The following DPYSL3 variants were observed in gnomAD, a reference collection of about 807,000 sequenced individuals.
DPYSL3 encodes dihydropyrimidinase-related protein 3.
In DPYSL3, 16 loss-of-function variants were observed where a neutral mutation model predicts 66.1. The observed-to-expected ratio is 0.24, with a 90% CI of 0.16 to 0.37. The LOEUF is 0.37. Ranked by LOEUF, DPYSL3 falls within the 10% of genes least tolerant of loss-of-function variation. The pLI is 1.00. For missense variants in DPYSL3, 738 were observed against 916.2 expected (o/e 0.81, Z 2.51); for synonymous variants, 338 against 345.1 (o/e 0.98, Z 0.23).
chr5:147,400,885 C>A, intron 9 of DPYSL3, 52 bp from the exon 10 acceptor site: 1 of 1,590,916 alleles, frequency 6.3e-7, no homozygotes, highest in Non-Finnish European at 8.6e-7. Context: ...TGGAGGCACA[C>A]TGGGAGCTTA....
intron 1 of DPYSL3, among the ~76,000 whole-genome samples, chr5:147,485,647 C>T (rs17106791): frequency 0.011 from 1,737 of 152,208 alleles, 64 homozygotes; most frequent in East Asian, 0.087. Flanking sequence ...ATACGCTGAG[C>T]ACAAGTGTCT....
chr5:147,503,390 C>T (rs971492442), intron 1 of DPYSL3, among the ~76,000 whole-genome samples: 12 of 152,110 alleles, frequency 7.9e-5, no homozygotes, highest in African/African-American at 2.9e-4. Flanking sequence ...ACTTTTCAGG[C>T]TCAAGCAAAC....
chr5:147,435,092 T>C (rs1260019986), intron 1 of DPYSL3, among the ~76,000 whole-genome samples: 1 of 151,946 alleles, frequency 6.6e-6, no homozygotes, highest in Admixed American at 6.6e-5. Flanking sequence ...ACAAAGTCTA[T>C]TAATTAAGAA....
intron 1 of DPYSL3, among the ~76,000 whole-genome samples, chr5:147,445,401 T>C (rs992592038): frequency 1.3e-5 from 2 of 152,228 alleles, no homozygotes; most frequent in Non-Finnish European, 2.9e-5. Context: ...TCTAGAAAGA[T>C]GTCAAAGGGA....
At chr5:147,424,151 G>T (rs953477197) in intron 2 of DPYSL3, among the ~76,000 whole-genome samples, 1 of 152,174 alleles carries the variant, frequency 6.6e-6, no homozygotes, top group Non-Finnish European at 1.5e-5. Context: ...GAGATCTCTT[G>T]TAACCAAAAT....
Position 147,509,487 on chromosome 5 carries a change from G to C in DPYSL3, c.372C>G (p.Pro124=), listed in dbSNP as rs1377078235. ...TGKEVLQNLG[P]KDKSDRLLIK... is the part of the protein sequence containing the mutation. ...CCCGGGGCCCCCTTACCTTGTCCTT[G>C]GGGCCGAGGTTCTGCAACACCTCTT... is the stretch of plus-strand genomic sequence containing the variant. The change falls in exon 1 of 14, where the codon CCC becomes CCG. Residue 124 remains proline, a synonymous_variant. Transcript: ENST00000343218. This position sits in a 1 kb window ranked among gnomAD's most constrained non-coding sequence, Gnocchi z 5.3. 6.6e-7 allele frequency: 1 copy of C among 1,522,838 alleles called. No homozygotes were observed. Among genetic ancestry groups the C allele is most frequent in the Non-Finnish European group, 8.8e-7 (1 of 1,140,138 alleles). The allele number at this position is 1,522,838 out of a possible 1,614,324, so 94.3% of individuals were successfully genotyped here.
rs185264622 is a variant in DPYSL3, at chr5:147,499,314, A to C, written c.381+10164T>G. 3.9e-3 allele frequency among the ~76,000 whole-genome samples: 594 copies of C among 152,304 alleles called. 4 individuals are homozygous for C. The highest frequency in any genetic ancestry group is 6.2e-3 in the Non-Finnish European group (425 of 68,018). On this transcript the variant is annotated intron_variant, in intron 1 of 13. Transcript: ENST00000343218. ...ATTATAGCAAGGTTGCAGGATACAA[A>C]GTTAATATGCAAAAGTCACTTGCTT...
At chr5:147,483,681 A>G (rs1175993574) in intron 1 of DPYSL3, among the ~76,000 whole-genome samples, 1 of 152,234 alleles carries the variant, frequency 6.6e-6, no homozygotes, top group Non-Finnish European at 1.5e-5. Context: ...GGGGTTAACA[A>G]GTATTTATTA....
chr5:147,495,429 A>C (rs2030741137), intron 1 of DPYSL3, among the ~76,000 whole-genome samples: 1 of 152,230 alleles, frequency 6.6e-6, no homozygotes, highest in South Asian at 2.1e-4. Flanking sequence ...AATAAAGGGC[A>C]TTCAATTAGG....
At chr5:147,405,866 CT>C in intron 7 of DPYSL3, 136 bp from the exon 8 acceptor site, 1 of 1,139,110 alleles carries the variant, frequency 8.8e-7, no homozygotes, top group Non-Finnish European at 1.2e-6. Context: ...ATTAGATAGC[CT>C]ATATCCACAT....
At chr5:147,452,450 C>T (rs1338862574) in intron 1 of DPYSL3, among the ~76,000 whole-genome samples, 1 of 151,732 alleles carries the variant, frequency 6.6e-6, no homozygotes, top group East Asian at 1.9e-4. Flanking sequence ...CACACACACA[C>T]ACACACACAC....
intron 1 of DPYSL3, among the ~76,000 whole-genome samples, chr5:147,502,865 T>C (rs1401815019): frequency 6.6e-6 from 1 of 152,032 alleles, no homozygotes; most frequent in Non-Finnish European, 1.5e-5. Flanking sequence ...CGTGAGCCAC[T>C]GTGCCCGGCC....
At chr5:147,396,731 G>A (rs1444495468) in intron 12 of DPYSL3, among the ~76,000 whole-genome samples, 1 of 152,044 alleles carries the variant, frequency 6.6e-6, no homozygotes, top group East Asian at 1.9e-4. Context: ...TAGAAATAAA[G>A]GGTCAATATT....
chr5:147,432,013 G>A (rs1752324972), intron 1 of DPYSL3, among the ~76,000 whole-genome samples: 1 of 152,164 alleles, frequency 6.6e-6, no homozygotes, highest in South Asian at 2.1e-4. Flanking sequence ...GAGCAATGCA[G>A]TTTCTTGGCT....
intron 1 of DPYSL3, among the ~76,000 whole-genome samples, chr5:147,452,881 G>GCACA (rs3995474): frequency 0.037 from 5,025 of 137,362 alleles, 108 homozygotes; most frequent in Non-Finnish European, 0.05. Flanking sequence ...TGCATCGAAG[G>GCACA]CACACACACA....
intron 1 of DPYSL3, among the ~76,000 whole-genome samples, chr5:147,492,871 A>G (rs1457209863): frequency 6.6e-6 from 1 of 152,208 alleles, no homozygotes; most frequent in African/African-American, 2.4e-5. Context: ...CAATGATCCA[A>G]ATACACCAGT....
chr5:147,396,659 C>T (rs1757983105), intron 12 of DPYSL3, among the ~76,000 whole-genome samples: 1 of 152,026 alleles, frequency 6.6e-6, no homozygotes, highest in Admixed American at 6.5e-5. Context: ...ATCTGTACTC[C>T]CCAAAACCAA....
intron 1 of DPYSL3, chr5:147,453,533 C>A (rs1480324140): frequency 1.3e-6 from 2 of 1,525,294 alleles, no homozygotes; most frequent in Admixed American, 2.1e-5. Context: ...GAGGGAGCAG[C>A]GGCGCCCGGA....
chr5:147,453,768 T>C, intron 1 of DPYSL3: 1 of 1,297,736 alleles, frequency 7.7e-7, no homozygotes, highest in Non-Finnish European at 9.8e-7. Context: ...CCAGAGACAA[T>C]AGTAAATCTC....
Sources: gnomAD v4.1 joint callset for allele counts (sites outside exome capture counted in the v4.1 genomes callset) on GRCh38, gnomAD v4.1.1 for gene constraint, Gnocchi (gnomAD v3.1) non-coding constraint, MANE v1.5 for transcripts, NCBI Gene and HGNC (gene_info 2026-07-23, HGNC 2026-07-21) for gene names.